CHRDL1: variants seen among roughly 807,000 people sequenced by gnomAD.
CHRDL1 encodes chordin like 1.
Under a neutral mutation model 40.9 loss-of-function variants are expected in CHRDL1, and 19 were observed. The observed-to-expected ratio is 0.46, with a 90% CI of 0.32 to 0.68. The LOEUF (loss-of-function observed/expected upper bound fraction) is 0.68. Among genes scored for constraint, CHRDL1 ranks in the 30% least tolerant of loss-of-function variants. CHRDL1 has a pLI of 0.03. For missense variants in CHRDL1, 329 were observed against 352.1 expected (o/e 0.93, Z 0.53); for synonymous variants, 136 against 123.4 (o/e 1.10, Z -0.68).
chrX:110,755,735 T>C (rs2089441905), intron 4 of CHRDL1, among the ~76,000 whole-genome samples: 1 of 111,921 alleles, frequency 8.9e-6, no homozygotes, highest in Admixed American at 9.5e-5. Flanking sequence ...TTCATCACAG[T>C]GCCTTCCATT....
At position 110,785,667 on chromosome X, in the gene CHRDL1, G is replaced by GTA. The variant is rs917729673; in HGVS notation, c.94+6419_94+6420dup. Among the ~76,000 whole-genome samples, 48 of 110,749 alleles carry GTA rather than the reference G, an allele frequency of 4.3e-4. 1 individual carries two copies. The highest frequency in any genetic ancestry group is 8.2e-4 in the African/African-American group (25 of 30,558). Reference sequence around the variant, plus strand: ...CTGAGCTTAGAAAAAAAGACTACAAGTATATATATATATCAATTAACTATG... The same window carrying GTA: ...CTGAGCTTAGAAAAAAAGACTACAAGTATATATATATATATCAATTAACTATG... On this transcript the variant is annotated intron_variant, in intron 2 of 11. Transcript: ENST00000372042.
At chrX:110,697,857 C>G (rs904528907) in intron 7 of CHRDL1, among the ~76,000 whole-genome samples, 1 of 103,002 alleles carries the variant, frequency 9.7e-6, no homozygotes, top group African/African-American at 3.8e-5. Context: ...CACACACACA[C>G]ACACACACAC....
chrX:110,677,765 A>T (rs372593123), intron 11 of CHRDL1, among the ~76,000 whole-genome samples: 5 of 111,523 alleles, frequency 4.5e-5, no homozygotes, highest in African/African-American at 1.6e-4. Context: ...TTGGACCCTA[A>T]CTCTGCTCAG....
chrX:110,729,413 A>G (rs1276949044), intron 4 of CHRDL1, among the ~76,000 whole-genome samples: 1 of 110,227 alleles, frequency 9.1e-6, no homozygotes, highest in Non-Finnish European at 1.9e-5. Flanking sequence ...GTAGAGTCCA[A>G]CGATTTCTAG....
chrX:110,742,710 C>T (rs1166487478), intron 4 of CHRDL1, among the ~76,000 whole-genome samples: 2 of 111,385 alleles, frequency 1.8e-5, no homozygotes, highest in South Asian at 3.9e-4. Flanking sequence ...AAGCACAGTC[C>T]GGGAGGCAAG....
chrX:110,794,747 A>G lies in CHRDL1; in HGVS notation c.-35+997T>C, dbSNP rs139577251. 4.4e-5 allele frequency among the ~76,000 whole-genome samples: 5 copies of G among 112,462 alleles called. No individual in the cohort carries two copies. In the East Asian group the frequency reaches 1.4e-3, roughly 32 times the overall value. On this transcript the variant is annotated intron_variant, in intron 1 of 11. Coordinates refer to ENST00000372042, the MANE Select transcript of CHRDL1 (RefSeq NM_001143981.2). ...ATCCCCACAGGAAGGCTAAGGGATG[A>G]ACACATGTCAGCCAGTTCTTCACGC...
intron 2 of CHRDL1, among the ~76,000 whole-genome samples, chrX:110,776,134 C>A (rs2089848648): frequency 8.9e-6 from 1 of 111,900 alleles, no homozygotes; most frequent in African/African-American, 3.2e-5. Flanking sequence ...TTTATTATGT[C>A]AATTAAGAAA....
intron 6 of CHRDL1, among the ~76,000 whole-genome samples, chrX:110,713,079 CA>C: frequency 9.0e-6 from 1 of 111,102 alleles, no homozygotes; most frequent in Admixed American, 9.6e-5. Context: ...CCCTGGAGTG[CA>C]GAGAACAAGG....
intron 4 of CHRDL1, among the ~76,000 whole-genome samples, chrX:110,736,308 G>A (rs745454973): frequency 8.9e-6 from 1 of 112,520 alleles, no homozygotes; most frequent in East Asian, 2.8e-4. Context: ...GAAAGGGAAG[G>A]TGTTAGGAAA....
intron 9 of CHRDL1, 89 bp from the exon 10 acceptor site, chrX:110,681,738 T>C (rs1360472786): frequency 7.8e-6 from 5 of 641,818 alleles, no homozygotes; most frequent in African/African-American, 2.2e-5. Flanking sequence ...GTTCATAACA[T>C]CTCACACTTA....
In CHRDL1 at chrX:110,696,799, A is replaced by C. The variant is rs1214377829; in HGVS notation, c.610-2468T>G. ...GGGAAGGCCTGGGCATTAGGATTTTATATACTCCCCAAGAGACTCTGGTTT... is the reference window on the plus strand; with the variant it reads ...GGGAAGGCCTGGGCATTAGGATTTTCTATACTCCCCAAGAGACTCTGGTTT... On this transcript the variant is annotated intron_variant, in intron 7 of 11. Coordinates refer to ENST00000372042, the MANE Select transcript of CHRDL1 (RefSeq NM_001143981.2). Among the ~76,000 whole-genome samples the C allele has an allele frequency of 2.7e-5, 3 of 110,915 alleles. No individual in the cohort carries two copies. The Admixed American group carries it at 2.9e-4, about 11-fold the overall frequency.
intron 3 of CHRDL1, among the ~76,000 whole-genome samples, chrX:110,760,519 T>C (rs2089545195): frequency 8.9e-6 from 1 of 112,149 alleles, no homozygotes; most frequent in Non-Finnish European, 1.9e-5. Flanking sequence ...GATATAGAAA[T>C]AGAAAATGCC....
intron 9 of CHRDL1, among the ~76,000 whole-genome samples, chrX:110,687,010 T>C (rs1364529050): frequency 1.8e-5 from 2 of 111,282 alleles, no homozygotes; most frequent in African/African-American, 6.6e-5. Flanking sequence ...CTGTCCTTCC[T>C]GTCCACACGC....
chrX:110,751,742 A>G (rs1035449680), intron 4 of CHRDL1, among the ~76,000 whole-genome samples: 8 of 111,689 alleles, frequency 7.2e-5, no homozygotes, highest in Non-Finnish European at 7.5e-5. Context: ...AAATAAAACT[A>G]CTATATGATC....
At chrX:110,751,923 T>C (rs999967696) in intron 4 of CHRDL1, among the ~76,000 whole-genome samples, 2 of 112,021 alleles carry the variant, frequency 1.8e-5, no homozygotes, top group African/African-American at 6.5e-5. Flanking sequence ...ATATACACAA[T>C]GGAGTATTAT....
chrX:110,680,385 T>TG (rs1393515581), intron 10 of CHRDL1, among the ~76,000 whole-genome samples: 1 of 111,768 alleles, frequency 8.9e-6, no homozygotes, highest in Non-Finnish European at 1.9e-5. Flanking sequence ...AATATATACA[T>TG]GTTCAAGCAT....
chrX:110,727,854 C>T lies in CHRDL1; in HGVS notation c.302-6324G>A, dbSNP rs554577241. Among the ~76,000 whole-genome samples the T allele has an allele frequency of 2.5e-4, 28 of 111,883 alleles. No homozygotes were observed. The South Asian group carries it at 8.9e-3, about 36-fold the overall frequency. ...TTTAAGAATTCATTCTACAGATATACTTGCACATGTGTGAAACATATAAAA... is the reference window on the plus strand; with the variant it reads ...TTTAAGAATTCATTCTACAGATATATTTGCACATGTGTGAAACATATAAAA... On this transcript the variant is annotated intron_variant, in intron 4 of 11. Transcript: ENST00000372042.
intron 4 of CHRDL1, among the ~76,000 whole-genome samples, chrX:110,727,824 C>G (rs1454390324): frequency 1.8e-5 from 2 of 111,759 alleles, no homozygotes; most frequent in African/African-American, 6.5e-5. Context: ...CCCAACAATC[C>G]TATTTTTAAG....
chrX:110,755,909 A>T (rs1393277178), intron 4 of CHRDL1, among the ~76,000 whole-genome samples: 3 of 111,814 alleles, frequency 2.7e-5, no homozygotes, highest in Non-Finnish European at 5.6e-5. Flanking sequence ...ACTCTATCTC[A>T]GATGGGTGGG....
Sources: gnomAD v4.1 joint callset for allele counts (sites outside exome capture counted in the v4.1 genomes callset) on GRCh38, gnomAD v4.1.1 for gene constraint, MANE v1.5 for transcripts, NCBI Gene and HGNC (gene_info 2026-07-23, HGNC 2026-07-21) for gene names.